Variants in NRG2 observed in about 807,000 individuals in gnomAD.
The protein encoded by NRG2 is neuregulin 2.
In NRG2, 27 loss-of-function variants were observed where a neutral mutation model predicts 73.9. That is an observed-to-expected ratio of 0.37 (90% CI 0.27 to 0.50). The LOEUF is 0.50. NRG2 is among the 20% of genes least tolerant of loss of function. NRG2 has a pLI of 0.96. For synonymous variants in NRG2, 532 were observed against 541.0 expected (o/e 0.98, Z 0.23); for missense variants, 1,126 against 1,210.1 (o/e 0.93, Z 1.03).
chr5:139,895,791 G>C (rs1232366968), intron 1 of NRG2, among the ~76,000 whole-genome samples: 1 of 152,252 alleles, frequency 6.6e-6, no homozygotes, highest in Non-Finnish European at 1.5e-5. Flanking sequence ...GGACAAAGCA[G>C]AGATGGCAGT....
chr5:139,889,841 TA>T (rs1764093582), intron 1 of NRG2, among the ~76,000 whole-genome samples: 1 of 152,180 alleles, frequency 6.6e-6, no homozygotes, highest in Non-Finnish European at 1.5e-5. Context: ...TCCACAGCTG[TA>T]AAATACAGGA....
intron 1 of NRG2, among the ~76,000 whole-genome samples, chr5:139,927,514 A>T (rs1205134188): frequency 6.6e-6 from 1 of 152,148 alleles, no homozygotes; most frequent in Non-Finnish European, 1.5e-5. Flanking sequence ...ATAAAATTAT[A>T]AAAAAGTAAT....
chr5:139,933,231 T>C lies in NRG2; in HGVS notation c.701-45720A>G, dbSNP rs574249485. Among the ~76,000 whole-genome samples, 12 of 151,852 alleles carry C rather than the reference T, an allele frequency of 7.9e-5. No homozygotes were observed. The South Asian group carries it at 2.3e-3, about 29-fold the overall frequency. On this transcript the variant is annotated intron_variant, in intron 1 of 9. Transcript: ENST00000361474. ...TGGAGGTTGCAGTGAGCTGAGATCATACCATTGCACTCCAGCCTGGCTGAC... is the reference window on the plus strand; with the variant it reads ...TGGAGGTTGCAGTGAGCTGAGATCACACCATTGCACTCCAGCCTGGCTGAC...
chr5:139,926,721 T>G (rs750900189), intron 1 of NRG2, among the ~76,000 whole-genome samples: 5 of 152,214 alleles, frequency 3.3e-5, no homozygotes, highest in Non-Finnish European at 5.9e-5. Context: ...AGGTGATGCA[T>G]GAATGTTCAT....
At position 139,852,996 on chromosome 5, in the gene NRG2, G is replaced by A. The variant is rs150514590; in HGVS notation, c.1324C>T (p.Arg442Trp). ...KQRKQMHNHLRQNMCPAHQNR... is the reference protein window; with the variant it reads ...KQRKQMHNHLWQNMCPAHQNR... ...TGATGGGCCGGGCACATGTTCTGCCGGAGGTGGTTGTGCATCTGCTTCCGC... is the reference window on the plus strand; with the variant it reads ...TGATGGGCCGGGCACATGTTCTGCCAGAGGTGGTTGTGCATCTGCTTCCGC... Residue 442 changes from arginine (R) to tryptophan (W), a missense_variant, in exon 7 of 10, where the codon CGG (arginine) becomes TGG (tryptophan). Around this residue, in one of 3 missense-constraint regions of NRG2, gnomAD observed 539 missense variants for 703.2 expected, o/e 0.77. Coordinates refer to ENST00000361474, the MANE Select transcript of NRG2 (RefSeq NM_004883.3). The surrounding 1 kb of genome is among the most constrained non-coding windows in gnomAD (Gnocchi z 4.4). The A allele has an allele frequency of 2.2e-5, 35 of 1,613,290 alleles. No homozygotes were observed. Among genetic ancestry groups the A allele is most frequent in the South Asian group, 4.4e-5 (4 of 90,998 alleles).
At chr5:140,030,299 T>C (rs182067477) in intron 1 of NRG2, among the ~76,000 whole-genome samples, 8 of 152,346 alleles carry the variant, frequency 5.3e-5, no homozygotes, top group Admixed American at 5.2e-4. Flanking sequence ...CAATGTTTTC[T>C]TTTAGACAGA....
At chr5:139,963,087 A>G (rs1423582009) in intron 1 of NRG2, among the ~76,000 whole-genome samples, 2 of 152,240 alleles carry the variant, frequency 1.3e-5, no homozygotes, top group Non-Finnish European at 2.9e-5. Flanking sequence ...CATGGAACAT[A>G]TACTAGTGAA....
chr5:139,906,111 G>A (rs954174033), intron 1 of NRG2, among the ~76,000 whole-genome samples: 7 of 152,038 alleles, frequency 4.6e-5, no homozygotes, highest in African/African-American at 7.2e-5. Flanking sequence ...GGGTTCAAGC[G>A]ATTCTCCTGC....
chr5:140,030,887 T>C (rs1191291143), intron 1 of NRG2, among the ~76,000 whole-genome samples: 1 of 152,164 alleles, frequency 6.6e-6, no homozygotes, highest in Non-Finnish European at 1.5e-5. Flanking sequence ...GACAACTTAA[T>C]GTATATGTTA....
chr5:139,948,159 T>C (rs1399834791), intron 1 of NRG2, among the ~76,000 whole-genome samples: 1 of 152,228 alleles, frequency 6.6e-6, no homozygotes, highest in Non-Finnish European at 1.5e-5. Context: ...ATCAATAGAA[T>C]TAATGTGGCA....
intron 1 of NRG2, among the ~76,000 whole-genome samples, chr5:139,933,691 C>CA (rs1435794326): frequency 6.6e-6 from 1 of 152,090 alleles, no homozygotes; most frequent in Non-Finnish European, 1.5e-5. Context: ...GTTAGTTAGA[C>CA]AAAATCTCAA....
At chr5:139,931,945 A>G (rs1316418339) in intron 1 of NRG2, among the ~76,000 whole-genome samples, 2 of 152,252 alleles carry the variant, frequency 1.3e-5, no homozygotes, top group Non-Finnish European at 2.9e-5. Flanking sequence ...ACAAATGTTG[A>G]CAAGGGTATG....
rs1000816694 is a variant in NRG2 at position 139,904,622 on chromosome 5, C to G, written c.701-17111G>C. Among the ~76,000 whole-genome samples the G allele has an allele frequency of 1.3e-5, 2 of 152,136 alleles. No homozygotes were observed. Among genetic ancestry groups the G allele is most frequent in the African/African-American group, 4.8e-5 (2 of 41,452 alleles). On this transcript the variant is annotated intron_variant, in intron 1 of 9. Transcript: ENST00000361474. The surrounding 1 kb of genome is among the most constrained non-coding windows in gnomAD (Gnocchi z 6.0). ...GGGGCGTGTGGGCGGCCGGTCTGGG[C>G]CCTAGGCCCCCTCCCTGGGCCCACC...
intron 1 of NRG2, among the ~76,000 whole-genome samples, chr5:139,977,774 C>T (rs1756485518): frequency 6.6e-6 from 1 of 152,254 alleles, no homozygotes; most frequent in South Asian, 2.1e-4. Flanking sequence ...GAACAGAGCC[C>T]TCAGAAATAA....
At chr5:140,010,024 A>T (rs778781189) in intron 1 of NRG2, among the ~76,000 whole-genome samples, 6 of 152,184 alleles carry the variant, frequency 3.9e-5, no homozygotes, top group Non-Finnish European at 8.8e-5. Flanking sequence ...GAGGCCGGGC[A>T]CAGTGGCTCA....
At chr5:139,942,391 T>A (rs1344579144) in intron 1 of NRG2, among the ~76,000 whole-genome samples, 1 of 152,210 alleles carries the variant, frequency 6.6e-6, no homozygotes, top group Non-Finnish European at 1.5e-5. Context: ...AATTAAGCCT[T>A]TTTTCTGCTG....
rs549158013 is a variant in NRG2 at position 139,996,935 on chromosome 5, G to C, written c.700+45435C>G. Among the ~76,000 whole-genome samples the C allele has an allele frequency of 1.7e-3, 263 of 152,322 alleles. 1 individual carries two copies. Among genetic ancestry groups the C allele is most frequent in the African/African-American group, 6.1e-3 (253 of 41,566 alleles). On this transcript the variant is annotated intron_variant, in intron 1 of 9. Transcript: ENST00000361474. ...GGGGGCAGATTGCTTGAGTCCAGGA[G>C]TTCAAGACCAGCCTGGGCAACACAG...
In NRG2 at chr5:139,988,906, T is replaced by G. The variant is rs564400661; in HGVS notation, c.700+53464A>C. 1.1e-4 allele frequency among the ~76,000 whole-genome samples: 17 copies of G among 152,148 alleles called. No homozygotes were observed. In the South Asian group the frequency reaches 3.5e-3, roughly 32 times the overall value. ...GGGCAGAGGCCATATGGGAAATCTC[T>G]GTACCTTCCTTTCAATTTGACTGTG... is the stretch of plus-strand genomic sequence containing the variant. On this transcript the variant is annotated intron_variant, in intron 1 of 9. Coordinates refer to ENST00000361474, the MANE Select transcript of NRG2 (RefSeq NM_004883.3).
intron 1 of NRG2, among the ~76,000 whole-genome samples, chr5:140,030,607 T>G (rs879934884): frequency 5.3e-5 from 8 of 152,228 alleles, no homozygotes; most frequent in Admixed American, 2.6e-4. Flanking sequence ...AGTGGAAACC[T>G]ACTCAGATAA....
Sources: gnomAD v4.1 joint callset for allele counts (sites outside exome capture counted in the v4.1 genomes callset) on GRCh38, gnomAD v4.1.1 for gene constraint, gnomAD v4.1.1 regional missense constraint, Gnocchi (gnomAD v3.1) non-coding constraint, MANE v1.5 for transcripts, NCBI Gene and HGNC (gene_info 2026-07-23, HGNC 2026-07-21) for gene names.